Variants in TRIM49 observed in about 807,000 individuals in gnomAD.
The protein encoded by TRIM49 is tripartite motif-containing protein 49.
A neutral mutation model predicts 27.4 loss-of-function variants in TRIM49; 5 were observed. That is an observed-to-expected ratio of 0.18 (90% CI 0.10 to 0.38). The LOEUF (loss-of-function observed/expected upper bound fraction) is 0.38. TRIM49 is among the 10% of genes least tolerant of loss of function. TRIM49 has a pLI of 1.00. For synonymous variants in TRIM49, 69 were observed against 166.0 expected, an observed-to-expected ratio of 0.42 and a Z score of 4.49; for missense variants, 188 against 487.5, an observed-to-expected ratio of 0.39 and a Z score of 5.79.
intron 2 of TRIM49, among the ~76,000 whole-genome samples, chr11:89,806,006 C>A (rs1949787166): frequency 6.6e-6 from 1 of 150,868 alleles, no homozygotes; most frequent in South Asian, 2.1e-4. Context: ...AGGCACGCGC[C>A]ACAGTGCCCA....
chr11:89,799,937 A>G, intron 6 of TRIM49, 124 bp from the exon 7 acceptor site: 4 of 1,177,202 alleles, frequency 3.4e-6, no homozygotes, highest in Non-Finnish European at 4.8e-6. Context: ...TCAAAAATTA[A>G]TCCTTCCTTT....
chr11:89,774,683 T>C, the TRIM49 span, among the ~76,000 whole-genome samples: 2 of 139,188 alleles, frequency 1.4e-5, no homozygotes, highest in East Asian at 2.0e-4. Context: ...TCACTTTTTC[T>C]CTTCAAAATA....
intron 1 of TRIM49, 140 bp from the exon 2 acceptor site, chr11:89,807,424 C>G (rs1949796301): frequency 6.6e-6 from 1 of 151,552 alleles, no homozygotes; most frequent in Admixed American, 6.6e-5. Context: ...ATTCTGAACA[C>G]CAGTGCCTGA....
chr11:89,770,262 G>A, the TRIM49 span, among the ~76,000 whole-genome samples: 18 of 123,954 alleles, frequency 1.5e-4, no homozygotes, highest in African/African-American at 2.9e-4. Context: ...TTAAATTACC[G>A]TACATATTGT....
At chr11:89,793,687 C>G (rs28828369), downstream of TRIM49, among the ~76,000 whole-genome samples, 1 of 151,924 alleles carries the variant, frequency 6.6e-6, no homozygotes, top group Non-Finnish European at 1.5e-5. Flanking sequence ...TCAACAGCCC[C>G]TCATGCTAAA....
rs754068611 is a variant in TRIM49 at position 89,804,047 on chromosome 11, G to A, written c.411+12C>T. The A allele has an allele frequency of 1.9e-6, 3 of 1,601,174 alleles. No homozygotes were observed. The highest frequency in any genetic ancestry group is 2.2e-5 in the South Asian group (2 of 90,268). The stretch of plus-strand genomic sequence containing the variant: ...TCCTTTACAGAAATCGATCTTCAGA[G>A]CCATCACTTACCCGGTGTTCCTCAG... On this transcript the variant is annotated intron_variant, in intron 3 of 7. Transcript: ENST00000329758.
At chr11:89,792,702 C>A (rs577111500), downstream of TRIM49, among the ~76,000 whole-genome samples, 1 of 152,044 alleles carries the variant, frequency 6.6e-6, no homozygotes, top group East Asian at 1.9e-4. Context: ...CCAACGAGAA[C>A]AAAGACACAA....
downstream of TRIM49, among the ~76,000 whole-genome samples, chr11:89,792,845 A>G (rs1949664404): frequency 6.6e-6 from 1 of 152,128 alleles, no homozygotes; most frequent in Non-Finnish European, 1.5e-5. Flanking sequence ...CTAGAGAAGC[A>G]AGAGCAAACA....
chr11:89,791,225 T>C, the TRIM49 span, among the ~76,000 whole-genome samples: 3 of 151,836 alleles, frequency 2.0e-5, no homozygotes, highest in African/African-American at 7.3e-5. Flanking sequence ...GAACAAAGCC[T>C]CCAAGAAATA....
chr11:89,801,082 T>C (rs1949732941), intron 5 of TRIM49, 94 bp from the exon 6 acceptor site: 8 of 1,386,424 alleles, frequency 5.8e-6, no homozygotes, highest in Non-Finnish European at 7.8e-6. Flanking sequence ...TTTCTGAAGA[T>C]ATTATTTCCC....
the TRIM49 span, among the ~76,000 whole-genome samples, chr11:89,778,357 TA>T: frequency 6.0e-5 from 9 of 150,324 alleles, no homozygotes; most frequent in East Asian, 2.0e-4. Context: ...ATAGTAAAAG[TA>T]AAAAAAAACT....
the TRIM49 span, chr11:89,777,780 T>C: frequency 1.9e-6 from 1 of 534,316 alleles, no homozygotes. Flanking sequence ...ATTAGAATCA[T>C]ATTCGTTTAA....
chr11:89,792,918 G>T (rs1433057812), downstream of TRIM49, among the ~76,000 whole-genome samples: 1 of 152,120 alleles, frequency 6.6e-6, no homozygotes, highest in Non-Finnish European at 1.5e-5. Flanking sequence ...AGGAGATAGA[G>T]ACACAATGAA....
At chr11:89,772,469 A>G in the TRIM49 span, among the ~76,000 whole-genome samples, 81 of 128,412 alleles carry the variant, frequency 6.3e-4, 9 homozygotes, top group South Asian at 2.1e-3. Flanking sequence ...GTGAACATTC[A>G]AAGACTTTAT....
chr11:89,787,864 G>A, the TRIM49 span: 7 of 431,938 alleles, frequency 1.6e-5, no homozygotes, highest in Non-Finnish European at 2.9e-5. Context: ...CTTGACACGG[G>A]GTTTGAGGGC....
chr11:89,770,975 A>AT, the TRIM49 span, among the ~76,000 whole-genome samples: 25 of 110,052 alleles, frequency 2.3e-4, no homozygotes, highest in Admixed American at 6.9e-4. Flanking sequence ...CACTCTATCA[A>AT]TTTTTTTTTT....
At position 89,798,315 on chromosome 11, in the gene TRIM49, A is replaced by G; in HGVS notation, c.1174T>C (p.Phe392Leu). Residue 392 changes from phenylalanine (F) to leucine (L), a missense_variant, in exon 8 of 8, where the codon TTT becomes CTT. Around this residue, in one of 6 missense-constraint regions of TRIM49, gnomAD observed 94 missense variants for 149.6 expected, o/e 0.63. Transcript: ENST00000329758. The stretch of plus-strand genomic sequence containing the variant: ...TGCAGCATAAGTGGGGAGGTGGTAA[A>G]GAGACTGCATTGAATGTCATTCTTA... ...CVKNDIQCSL[F>L]TTSPLMLQYI... The G allele has an allele frequency of 6.4e-7, 1 of 1,573,258 alleles. No homozygotes were observed. Among genetic ancestry groups the G allele is most frequent in the Non-Finnish European group, 8.6e-7 (1 of 1,163,834 alleles).
intron 3 of TRIM49, 125 bp from the exon 4 acceptor site, chr11:89,803,918 C>T (rs2134644097): frequency 1.7e-6 from 2 of 1,147,832 alleles, no homozygotes; most frequent in South Asian, 1.5e-5. Flanking sequence ...TTTGTCAAAG[C>T]CCAGAGGTTG....
intron 4 of TRIM49, 117 bp downstream of exon 4, chr11:89,803,581 C>CTTT (rs558220760): frequency 5.9e-6 from 7 of 1,193,924 alleles, no homozygotes; most frequent in African/African-American, 4.7e-5. Context: ...TTTCTCTCGC[C>CTTT]TTTTTTTTTT....
Sources: allele counts gnomAD v4.1 joint callset (sites outside exome capture counted in the v4.1 genomes callset), GRCh38; gene constraint gnomAD v4.1.1; regional missense constraint gnomAD v4.1.1; transcripts MANE v1.5; gene names NCBI Gene and HGNC (gene_info 2026-07-23, HGNC 2026-07-21).